The following KLHL20 variants were observed in gnomAD, a reference collection of about 807,000 sequenced individuals.
KLHL20 encodes the protein kelch-like protein 20.
Under a neutral mutation model 69.5 loss-of-function variants are expected in KLHL20, and 29 were observed. The ratio of observed to expected loss-of-function variants is 0.42; its 90% CI spans 0.31 to 0.57. The LOEUF (loss-of-function observed/expected upper bound fraction) is 0.57. Ranked by LOEUF, KLHL20 falls within the 20% of genes least tolerant of loss-of-function variation. The pLI is 0.18. For missense variants in KLHL20, 419 were observed against 776.0 expected (o/e 0.54, Z 5.47); for synonymous variants, 253 against 265.2 (o/e 0.95, Z 0.45).
intron 8 of KLHL20, among the ~76,000 whole-genome samples, chr1:173,773,245 TA>T (rs1165871834): frequency 6.6e-6 from 1 of 151,550 alleles, no homozygotes; most frequent in African/African-American, 2.4e-5. Flanking sequence ...GTGCTGGGAT[TA>T]CAGGCATGAG....
In KLHL20 at chr1:173,786,346, TTC is replaced by T. The variant is rs1353597201; in HGVS notation, c.*1104_*1105del. ...CATTCTATAAGGTCATTGTTACTAC[TTC>T]TCTCAAATTGCACTTTCTGGTAAAA... On this transcript the variant is annotated 3_prime_UTR_variant, in exon 12 of 12. Transcript: ENST00000209884. The T allele has an allele frequency of 6.6e-6, 1 of 152,596 alleles. No homozygotes were observed. Among genetic ancestry groups the T allele is most frequent in the Non-Finnish European group, 1.5e-5 (1 of 68,040 alleles). 9.5% of individuals were successfully genotyped at this position (152,596 alleles called of 1,614,324 possible).
chr1:173,724,717 A>T (rs1344194434), intron 2 of KLHL20, among the ~76,000 whole-genome samples: 1 of 152,162 alleles, frequency 6.6e-6, no homozygotes, highest in East Asian at 1.9e-4. Context: ...AGGTGGGAGG[A>T]TCAGTTGAGC....
At chr1:173,741,345 T>C (rs1440143832) in intron 3 of KLHL20, among the ~76,000 whole-genome samples, 1 of 152,194 alleles carries the variant, frequency 6.6e-6, no homozygotes, top group Non-Finnish European at 1.5e-5. Context: ...TTTTTACATA[T>C]TTTCTATTTT....
chr1:173,745,889 G>C (rs1356726476), intron 3 of KLHL20, among the ~76,000 whole-genome samples: 1 of 152,090 alleles, frequency 6.6e-6, no homozygotes, highest in Non-Finnish European at 1.5e-5. Flanking sequence ...CTTGAACCCA[G>C]GAGGCGGAGG....
chr1:173,767,886 TTTGA>T (rs1382052263), intron 8 of KLHL20, among the ~76,000 whole-genome samples: 1 of 152,220 alleles, frequency 6.6e-6, no homozygotes, highest in Non-Finnish European at 1.5e-5. Flanking sequence ...AGCCTTTTTG[TTTGA>T]TGTAATCTTA....
intron 2 of KLHL20, among the ~76,000 whole-genome samples, chr1:173,727,379 A>C (rs1177888859): frequency 1.3e-5 from 2 of 152,182 alleles, no homozygotes; most frequent in African/African-American, 4.8e-5. Context: ...ACCAACATTC[A>C]AATTCAGGAA....
intron 7 of KLHL20, among the ~76,000 whole-genome samples, chr1:173,763,866 T>TTAA (rs1553286851): frequency 2.5e-5 from 3 of 119,548 alleles, no homozygotes; most frequent in African/African-American, 8.8e-5. Context: ...GCAAATGCAA[T>TTAA]AAAAAAAAAA....
intron 8 of KLHL20, among the ~76,000 whole-genome samples, chr1:173,769,946 T>G (rs1647982956): frequency 6.6e-6 from 1 of 152,012 alleles, no homozygotes; most frequent in Non-Finnish European, 1.5e-5. Flanking sequence ...AGGCACTATG[T>G]TTTTTAATAC....
intron 10 of KLHL20, among the ~76,000 whole-genome samples, chr1:173,776,374 CTCTTCACTTTGTTGGTTGTT>C (rs1648471650): frequency 6.6e-6 from 1 of 152,174 alleles, no homozygotes; most frequent in Admixed American, 6.5e-5. Flanking sequence ...TGTGGGTTGT[CTCTTCACTTTGTTGGTTGTT>C]TCCTTTGCTG....
In KLHL20 at chr1:173,742,511, A is replaced by G. The variant is rs146588388; in HGVS notation, c.597+8225A>G. On this transcript the variant is annotated intron_variant, in intron 3 of 11. Coordinates refer to ENST00000209884, the MANE Select transcript of KLHL20 (RefSeq NM_014458.4). The stretch of plus-strand genomic sequence containing the variant: ...AATATTGAGGGATAAGTGACTGGCA[A>G]TGGTAACAGGGAATATTTAGAGAGG... Among the ~76,000 whole-genome samples, 1,084 of 152,190 alleles carry G rather than the reference A, an allele frequency of 7.1e-3. 9 individuals carry two copies. The highest frequency in any genetic ancestry group is 0.013 in the Admixed American group (205 of 15,288).
chr1:173,775,864 G>C (rs780283383), intron 10 of KLHL20, 22 bp downstream of exon 10: 3 of 1,602,918 alleles, frequency 1.9e-6, no homozygotes, highest in Non-Finnish European at 1.7e-6. Context: ...TGGACACTTA[G>C]GTTGCTTCCA....
At chr1:173,750,270 T>C (rs1673244703) in intron 3 of KLHL20, among the ~76,000 whole-genome samples, 1 of 152,200 alleles carries the variant, frequency 6.6e-6, no homozygotes, top group Non-Finnish European at 1.5e-5. Flanking sequence ...TTTTGAGATT[T>C]GTATTTTTTC....
intron 3 of KLHL20, among the ~76,000 whole-genome samples, chr1:173,741,228 TG>T (rs1053194487): frequency 1.2e-4 from 19 of 152,356 alleles, no homozygotes; most frequent in African/African-American, 4.6e-4. Context: ...TTTCCTGGTA[TG>T]TTCCTGTGGT....
intron 3 of KLHL20, among the ~76,000 whole-genome samples, chr1:173,740,362 G>A (rs1173487762): frequency 1.3e-5 from 2 of 151,496 alleles, no homozygotes; most frequent in Admixed American, 6.6e-5. Context: ...CACCCGCCTC[G>A]GCCTCCCAAA....
chr1:173,728,647 G>A (rs1672097461), intron 2 of KLHL20, among the ~76,000 whole-genome samples: 1 of 152,142 alleles, frequency 6.6e-6, no homozygotes, highest in Non-Finnish European at 1.5e-5. Flanking sequence ...AATGACTACT[G>A]AGCATAACGA....
At chr1:173,755,365 G>A (rs981197451) in intron 5 of KLHL20, among the ~76,000 whole-genome samples, 2 of 152,052 alleles carry the variant, frequency 1.3e-5, no homozygotes, top group Non-Finnish European at 2.9e-5. Context: ...CATTACATGT[G>A]TAATTACTAG....
At chr1:173,734,705 T>C (rs1342392450) in intron 3 of KLHL20, among the ~76,000 whole-genome samples, 1 of 152,066 alleles carries the variant, frequency 6.6e-6, no homozygotes, top group Non-Finnish European at 1.5e-5. Flanking sequence ...AAAAGATGAG[T>C]TTAGATGTTA....
chr1:173,726,678 A>G (rs1671980706), intron 2 of KLHL20, among the ~76,000 whole-genome samples: 1 of 152,254 alleles, frequency 6.6e-6, no homozygotes, highest in South Asian at 2.1e-4. Context: ...ACAGACCTGC[A>G]GCTGAGGGTC....
chr1:173,729,648 A>C (rs1225092281), intron 2 of KLHL20, among the ~76,000 whole-genome samples: 1 of 152,216 alleles, frequency 6.6e-6, no homozygotes, highest in Non-Finnish European at 1.5e-5. Context: ...ATAGATGCAG[A>C]AAAGGCCTGT....
Sources: gnomAD v4.1 joint callset for allele counts (sites outside exome capture counted in the v4.1 genomes callset) on GRCh38, gnomAD v4.1.1 for gene constraint, MANE v1.5 for transcripts, NCBI Gene and HGNC (gene_info 2026-07-23, HGNC 2026-07-21) for gene names.